The following SNIP1 variants were observed in gnomAD, a reference collection of about 807,000 sequenced individuals.
The protein encoded by SNIP1 is smad nuclear-interacting protein 1.
A neutral mutation model predicts 37.4 loss-of-function variants in SNIP1; 23 were observed. The ratio of observed to expected loss-of-function variants is 0.61; its 90% CI spans 0.44 to 0.87. The LOEUF (loss-of-function observed/expected upper bound fraction) is 0.87. SNIP1 is among the 40% of genes least tolerant of loss of function. SNIP1 has a pLI of 0.00. For synonymous variants in SNIP1, 174 were observed against 200.0 expected (o/e 0.87, Z 1.10); for missense variants, 459 against 540.4 (o/e 0.85, Z 1.49).
chr1:37,548,043 T>C (rs1643260485), intron 2 of SNIP1, among the ~76,000 whole-genome samples: 1 of 148,390 alleles, frequency 6.7e-6, no homozygotes, highest in African/African-American at 2.5e-5. Context: ...TCCCAGCTAC[T>C]CAGGAGGCTG....
intron 2 of SNIP1, among the ~76,000 whole-genome samples, chr1:37,550,341 CTAG>C (rs1643286535): frequency 2.0e-5 from 3 of 152,152 alleles, no homozygotes; most frequent in Admixed American, 2.0e-4. Flanking sequence ...CCCCAAAGGG[CTAG>C]TATCCACAAT....
chr1:37,548,775 C>A (rs1643270354), intron 2 of SNIP1: 1 of 150,684 alleles, frequency 6.6e-6, no homozygotes, highest in Non-Finnish European at 1.5e-5. Flanking sequence ...ACTGAATTCT[C>A]ATCCCTCAAA....
At chr1:37,552,546 A>G in intron 2 of SNIP1, 99 bp downstream of exon 2, 1 of 987,500 alleles carries the variant, frequency 1.0e-6, no homozygotes, top group Non-Finnish European at 1.6e-6. Context: ...GCGTACGTGC[A>G]CATGTGTGCA....
chr1:37,544,905 C>A, intron 2 of SNIP1: 1 of 1,040,512 alleles, frequency 9.6e-7, no homozygotes, highest in Non-Finnish European at 1.5e-6. Context: ...AAGAACTTTG[C>A]CAAATACTTT....
chr1:37,553,891 G>A, intron 1 of SNIP1, 115 bp downstream of exon 1: 1 of 1,070,770 alleles, frequency 9.3e-7, no homozygotes, highest in Non-Finnish European at 1.4e-6. Flanking sequence ...CAGCCCCTCA[G>A]GATTAAGTCC....
At position 37,540,676 on chromosome 1, in the gene SNIP1, C is replaced by T. The variant is rs947375646; in HGVS notation, c.407G>A (p.Arg136Lys). The T allele has an allele frequency of 1.9e-6, 3 of 1,614,084 alleles. No individual in the cohort carries two copies. Among genetic ancestry groups the T allele is most frequent in the Non-Finnish European group, 2.5e-6 (3 of 1,180,036 alleles). Residue 136 changes from arginine (R) to lysine (K), a missense_variant, in exon 3 of 4, where the codon AGG (arginine) becomes AAG (lysine). Coordinates refer to ENST00000296215, the MANE Select transcript of SNIP1 (RefSeq NM_024700.4). The surrounding 1 kb of genome is among the most constrained non-coding windows in gnomAD (Gnocchi z 5.6). ...EPSEQEHRRA[R>K]NSDRDRHRGH... ...CCGGTGTCTGTCCCGGTCACTGTTC[C>T]TAGCTCTCCTGTGTTCCTGTTCTGA... is the stretch of plus-strand genomic sequence containing the variant.
chr1:37,554,110 A>G lies in SNIP1; in HGVS notation c.120T>C (p.Pro40=), dbSNP rs1304142929. 3.1e-6 allele frequency: 5 copies of G among 1,612,146 alleles called. No individual in the cohort carries two copies. The highest frequency in any genetic ancestry group is 4.2e-6 in the Non-Finnish European group (5 of 1,179,412). ...AGTGGTCCGGACGGCGGTGGGCGGG[A>G]GGTGCGACTTCTGGGCTGAGACGCT... is the stretch of plus-strand genomic sequence containing the variant. The part of the protein sequence containing the change: ...KQERLSPEVA[P]PAHRRPDHSG... The change falls in exon 1 of 4, where the codon CCT becomes CCC. Residue 40 remains proline, a synonymous_variant. Transcript: ENST00000296215.
chr1:37,552,610 A>C lies in SNIP1; in HGVS notation c.327+35T>G, dbSNP rs757097039. 7 of 1,538,056 alleles carry C rather than the reference A, an allele frequency of 4.6e-6. No homozygotes were observed. The African/African-American group carries it at 9.5e-5, about 21-fold the overall frequency. Reference sequence around the variant, plus strand: ...TTAGCTGTGATAGGAAAAGGCTCTCAATTTGGACCCATCAAAACACCCCAA... The same window carrying C: ...TTAGCTGTGATAGGAAAAGGCTCTCCATTTGGACCCATCAAAACACCCCAA... On this transcript the variant is annotated intron_variant, in intron 2 of 3. Transcript: ENST00000296215.
chr1:37,534,930 A>C lies in SNIP1; in HGVS notation c.*2818T>G, dbSNP rs1307902090. On this transcript the variant is annotated 3_prime_UTR_variant, in exon 4 of 4. Transcript: ENST00000296215. ...GAAGTTCCAAATGGCTAAGATGAAC[A>C]TGAACTTCTAAACAGAATGAAAGCT... is the stretch of plus-strand genomic sequence containing the variant. 6.6e-6 allele frequency: 1 copy of C among 152,104 alleles called. No individual in the cohort carries two copies. Among genetic ancestry groups the C allele is most frequent in the East Asian group, 1.9e-4 (1 of 5,200 alleles). 9.4% of individuals were successfully genotyped at this position (152,104 alleles called of 1,614,324 possible).
chr1:37,543,042 A>G (rs1643192238), intron 2 of SNIP1, among the ~76,000 whole-genome samples: 1 of 151,786 alleles, frequency 6.6e-6, no homozygotes, highest in African/African-American at 2.4e-5. Flanking sequence ...CCTTGGCAAC[A>G]GAGACCCTGT....
chr1:37,551,173 G>A (rs1488681739), intron 2 of SNIP1, among the ~76,000 whole-genome samples: 15 of 151,304 alleles, frequency 9.9e-5, no homozygotes, highest in Non-Finnish European at 1.6e-4. Context: ...GGGAAGCTGA[G>A]GCAGGAGAAT....
Position 37,537,711 on chromosome 1 carries a change from A to C in SNIP1, c.*37T>G, listed in dbSNP as rs746414136. On this transcript the variant is annotated 3_prime_UTR_variant, in exon 4 of 4. Transcript: ENST00000296215. ...CTGAGTCAATCAAAGACTTCCAAGA[A>C]GGAAACCGTGTATCAATAGTTTGGG... The C allele has an allele frequency of 3.1e-6, 5 of 1,589,370 alleles. No individual in the cohort carries two copies. The African/African-American group carries it at 6.7e-5, about 21-fold the overall frequency.
At chr1:37,542,337 G>GT (rs1438446107) in intron 2 of SNIP1, among the ~76,000 whole-genome samples, 2 of 152,162 alleles carry the variant, frequency 1.3e-5, no homozygotes, top group Non-Finnish European at 2.9e-5. Context: ...TTTATGAGTT[G>GT]TTTTTTTCTG....
chr1:37,550,119 A>G (rs1643284525), intron 2 of SNIP1, among the ~76,000 whole-genome samples: 1 of 152,194 alleles, frequency 6.6e-6, no homozygotes, highest in Non-Finnish European at 1.5e-5. Flanking sequence ...AAAGCAGATC[A>G]TGGACTTTTA....
At chr1:37,544,019 G>A (rs1246033879) in intron 2 of SNIP1, among the ~76,000 whole-genome samples, 1 of 152,018 alleles carries the variant, frequency 6.6e-6, no homozygotes, top group East Asian at 1.9e-4. Flanking sequence ...GGTAGCGCAT[G>A]CCTGTAATCC....
At chr1:37,550,862 G>A (rs190742449) in intron 2 of SNIP1, among the ~76,000 whole-genome samples, 8 of 152,134 alleles carry the variant, frequency 5.3e-5, no homozygotes, top group South Asian at 4.1e-4. Context: ...TCGGGAGGCC[G>A]AGGCAGGCAG....
In SNIP1 at chr1:37,540,089, AATCTT is replaced by A; in HGVS notation, c.926+63_926+67del. ...ATTCTTCTGCATAAACATGAACAAA[AATCTT>A]AGTAATCCTAACTGAGTGATTGTTT... On this transcript the variant is annotated intron_variant, in intron 3 of 3. Coordinates refer to ENST00000296215, the MANE Select transcript of SNIP1 (RefSeq NM_024700.4). This position sits in a 1 kb window ranked among gnomAD's most constrained non-coding sequence, Gnocchi z 5.6. 1 of 1,400,354 alleles carries A rather than the reference AATCTT, an allele frequency of 7.1e-7. No individual in the cohort carries two copies. The highest frequency in any genetic ancestry group is 1.4e-5 in the South Asian group (1 of 70,648). 86.7% of individuals were successfully genotyped at this position (1,400,354 alleles called of 1,614,324 possible). A position where few individuals can be genotyped will look rare whatever the true frequency, so the allele number is the denominator to read the frequency against.
At chr1:37,549,324 C>T (rs1294276313) in intron 2 of SNIP1, among the ~76,000 whole-genome samples, 1 of 152,134 alleles carries the variant, frequency 6.6e-6, no homozygotes, top group East Asian at 1.9e-4. Context: ...GGGAGATACA[C>T]AATGTTCATG....
At position 37,536,159 on chromosome 1, in the gene SNIP1, T is replaced by A. The variant is rs1643091777; in HGVS notation, c.*1589A>T. ...TAATGACCTTATTAAGTGTTCACTT[T>A]TCAAAGGATCTTTTAACTTCTTCTG... On this transcript the variant is annotated 3_prime_UTR_variant, in exon 4 of 4. Coordinates refer to ENST00000296215, the MANE Select transcript of SNIP1 (RefSeq NM_024700.4). The A allele has an allele frequency of 6.6e-6, 1 of 152,240 alleles. No individual in the cohort carries two copies. The highest frequency in any genetic ancestry group is 2.4e-5 in the African/African-American group (1 of 41,462). The allele number at this position is 152,240 out of a possible 1,614,324, so 9.4% of individuals were successfully genotyped here. A position where few individuals can be genotyped will look rare whatever the true frequency, so the allele number is the denominator to read the frequency against.
Sources: gnomAD v4.1 joint callset for allele counts (sites outside exome capture counted in the v4.1 genomes callset) on GRCh38, gnomAD v4.1.1 for gene constraint, Gnocchi (gnomAD v3.1) non-coding constraint, MANE v1.5 for transcripts, NCBI Gene and HGNC (gene_info 2026-07-23, HGNC 2026-07-21) for gene names.